Variants in GIGYF1 observed in about 807,000 individuals in gnomAD.
GIGYF1 encodes GRB10 interacting GYF protein 1, also known as GRB10-interacting GYF protein 1.
A neutral mutation model predicts 147.1 loss-of-function variants in GIGYF1; 84 were observed. The ratio of observed to expected loss-of-function variants is 0.57; its 90% confidence interval spans 0.48 to 0.68. The LOEUF (loss-of-function observed/expected upper bound fraction) is 0.68. Among genes scored for constraint, GIGYF1 ranks in the 30% least tolerant of loss-of-function variants. GIGYF1 has a pLI of 0.00. For missense variants in GIGYF1, 1,485 were observed against 1,393.7 expected, an observed-to-expected ratio of 1.07 and a Z score of -1.04; for synonymous variants, 752 against 589.5, an observed-to-expected ratio of 1.28 and a Z score of -3.99.
In GIGYF1 at chr7:100,682,719, A is replaced by T; in HGVS notation, c.2471T>A (p.Leu824Gln). 6.3e-7 allele frequency: 1 copy of T among 1,574,878 alleles called. No homozygotes were observed. Among genetic ancestry groups the T allele is most frequent in the Non-Finnish European group, 8.6e-7 (1 of 1,161,466 alleles). ...CCCACTCTTGTCTGGCCCGCCCCACAGTGGCCCAGCCTCAGACACCCACTG... is the reference window on the plus strand; with the variant it reads ...CCCACTCTTGTCTGGCCCGCCCCACTGTGGCCCAGCCTCAGACACCCACTG... ...LNQWVSEAGP[L>Q]WGGPDKSGGG... Residue 824 changes from leucine to glutamine, a missense_variant, in exon 23 of 27, where the codon CTG (leucine) becomes CAG (glutamine). Coordinates refer to ENST00000678049, the MANE Select transcript of GIGYF1 (RefSeq NM_001375765.1).
chr7:100,681,963 T>C lies in GIGYF1; in HGVS notation c.2956A>G (p.Thr986Ala). 2 of 1,609,206 alleles carry C rather than the reference T, an allele frequency of 1.2e-6. No homozygotes were observed. Among genetic ancestry groups the C allele is most frequent in the Non-Finnish European group, 8.5e-7 (1 of 1,179,912 alleles). The stretch of plus-strand genomic sequence containing the variant: ...GTGCTGTGGTTGGCCTGGAAGGCCG[T>C]CTGCAGCGAGGCGCTGCTCAGCCAT... ...EAWLSSASLQ[T>A]AFQANHSTKL... The change falls in exon 26 of 27, where the codon ACG becomes GCG. Residue 986 changes from threonine to alanine, a missense_variant. Transcript: ENST00000678049.
rs1218381105 is a variant in GIGYF1 at position 100,682,629 on chromosome 7, C to A, written c.2561G>T (p.Gly854Val). 2 of 1,598,398 alleles carry A rather than the reference C, an allele frequency of 1.3e-6. No individual in the cohort carries two copies. The highest frequency in any genetic ancestry group is 4.5e-5 in the East Asian group (2 of 44,644). Residue 854 changes from glycine to valine, a missense_variant, in exon 23 of 27, where the codon GGC (glycine) becomes GTC (valine). Physicochemically the swap from Gly to Val is moderately radical, Grantham distance 109. Coordinates refer to ENST00000678049, the MANE Select transcript of GIGYF1 (RefSeq NM_001375765.1). ...GCTCCGGCTGTTCTTCAGGCCGAGG[C>A]CACGGACCAGGCTCCCGCCGCTCTT... Reference protein sequence around the residue: ...TPKSGGSLVRGLGLKNSRSSP... With the variant: ...TPKSGGSLVRVLGLKNSRSSP...
At chr7:100,684,920 G>C (rs780870654) in intron 14 of GIGYF1, 26 bp from the exon 15 acceptor site, 41 of 1,604,652 alleles carry the variant, frequency 2.6e-5, no homozygotes, top group Admixed American at 3.4e-5. Flanking sequence ...AAGAAGAAAG[G>C]CTCAGCTGCC....
intron 1 of GIGYF1, among the ~76,000 whole-genome samples, chr7:100,691,526 A>G (rs945058181): frequency 1.4e-5 from 2 of 145,082 alleles, no homozygotes; most frequent in Admixed American, 6.7e-5. Context: ...TTTAAGAAAA[A>G]CTGCCTAAGT....
At position 100,691,541 on chromosome 7, in the gene GIGYF1, C is replaced by G. The variant is rs552927017; in HGVS notation, c.-1098-1986G>C. Among the ~76,000 whole-genome samples, 4 of 141,828 alleles carry G rather than the reference C, an allele frequency of 2.8e-5. No homozygotes were observed. The East Asian group carries it at 6.2e-4, about 22-fold the overall frequency. 93.0% of individuals were successfully genotyped at this position (141,828 alleles called of 152,430 possible). ...TTTAAGAAAAACTGCCTAAGTTTGT[C>G]TATTGCAAGCTCTCAGGGCCAGGTA... On this transcript the variant is annotated intron_variant, in intron 1 of 26. Coordinates refer to ENST00000678049, the MANE Select transcript of GIGYF1 (RefSeq NM_001375765.1).
At chr7:100,687,104 CAA>C in intron 8 of GIGYF1, 58 bp from the exon 9 acceptor site, 1 of 1,604,982 alleles carries the variant, frequency 6.2e-7, no homozygotes, top group Non-Finnish European at 8.5e-7. Flanking sequence ...CCACCCTGTG[CAA>C]CCGCCCCATG....
intron 1 of GIGYF1, among the ~76,000 whole-genome samples, chr7:100,690,335 G>A (rs1157808878): frequency 1.3e-5 from 2 of 152,164 alleles, no homozygotes; most frequent in African/African-American, 4.8e-5. Context: ...GAGGGTGGGA[G>A]AGAGTAGAAC....
rs1447402274 is a variant in GIGYF1, at chr7:100,683,678, G to A, written c.1970-46C>T. On this transcript the variant is annotated intron_variant, in intron 19 of 26. Transcript: ENST00000678049. The stretch of plus-strand genomic sequence containing the variant: ...GAGGCGGCTGCAGGTGGGCACTTGG[G>A]CCCACTGATCTAGTCCAGCCGCAGC... The A allele has an allele frequency of 5.1e-6, 8 of 1,583,760 alleles. No individual in the cohort carries two copies. The African/African-American group carries it at 6.7e-5, about 13-fold the overall frequency.
rs775735876 is a variant in GIGYF1, at chr7:100,686,270, C to T, written c.858G>A (p.Glu286=). 1 of 1,614,132 alleles carries T rather than the reference C, an allele frequency of 6.2e-7. No homozygotes were observed. Among genetic ancestry groups the T allele is most frequent in the Admixed American group, 1.7e-5 (1 of 60,014 alleles). Residue 286 remains glutamate, a synonymous_variant, in exon 11 of 27, where the codon GAG becomes GAA. Transcript: ENST00000678049. ...RRCRAPEGFE[E]DKDGLPEWCL... ...ACCACTCTGGGAGCCCATCCTTGTC[C>T]TCCTCAAAGCCTTCAGGCGCTCGGC...
At chr7:100,693,233 G>C (rs540225068) in intron 1 of GIGYF1, among the ~76,000 whole-genome samples, 30 of 152,104 alleles carry the variant, frequency 2.0e-4, no homozygotes, top group Non-Finnish European at 4.0e-4. Flanking sequence ...GGGAATGCGA[G>C]TAATGACTGT....
Position 100,685,438 on chromosome 7 carries a change from G to T in GIGYF1, c.1098C>A (p.Ser366=), listed in dbSNP as rs371851856. The T allele has an allele frequency of 2.5e-6, 4 of 1,594,228 alleles. No individual in the cohort carries two copies. The highest frequency in any genetic ancestry group is 3.4e-6 in the Non-Finnish European group (4 of 1,175,290). ...LTPLPPQEEK[S]SSPSPLPTLG... ...GGGTGGGCAGTGGGGATGGGGAGCT[G>T]GACTTCTCCTCCTGAGGAGGCAGTG... Residue 366 remains serine (S), a synonymous_variant, in exon 13 of 27, where the codon TCC becomes TCA. Transcript: ENST00000678049.
chr7:100,681,528 C>A lies in GIGYF1; in HGVS notation c.*191G>T, dbSNP rs1212142866. ...TTAAAAAAAAAAATAAAAAGAAAAA[C>A]CCCCTCCCCCAGTCTGTAAAGTGCC... On this transcript the variant is annotated 3_prime_UTR_variant, in exon 27 of 27. Transcript: ENST00000678049. The A allele has an allele frequency of 1.4e-5, 6 of 425,684 alleles. No individual in the cohort carries two copies. Among genetic ancestry groups the A allele is most frequent in the East Asian group, 3.5e-5 (1 of 28,874 alleles). 26.4% of individuals were successfully genotyped at this position (425,684 alleles called of 1,614,324 possible). A position where few individuals can be genotyped will look rare whatever the true frequency, so the allele number is the denominator to read the frequency against.
In GIGYF1 at chr7:100,680,860, A is replaced by G. The variant is rs921737005; in HGVS notation, c.*859T>C. ...AATACATTCACGTGGCAAGGCAGAG[A>G]GCTGGGGCTTTCAGGTTCAAACCCA... On this transcript the variant is annotated 3_prime_UTR_variant, in exon 27 of 27. Transcript: ENST00000678049. The G allele has an allele frequency of 1.3e-5, 2 of 152,696 alleles. No individual in the cohort carries two copies. The highest frequency in any genetic ancestry group is 2.9e-5 in the Non-Finnish European group (2 of 68,090). The allele number at this position is 152,696 out of a possible 1,614,324, so 9.5% of individuals were successfully genotyped here. A position where few individuals can be genotyped will look rare whatever the true frequency, so the allele number is the denominator to read the frequency against.
chr7:100,681,936 T>G lies in GIGYF1; in HGVS notation c.2983A>C (p.Lys995Gln). 1.2e-6 allele frequency: 2 copies of G among 1,610,128 alleles called. No individual in the cohort carries two copies. Among genetic ancestry groups the G allele is most frequent in the Non-Finnish European group, 8.5e-7 (1 of 1,179,944 alleles). Reference protein sequence around the residue: ...QTAFQANHSTKLGPGEGSKAK... With the variant: ...QTAFQANHSTQLGPGEGSKAK... ...TTGCTGCCCTCCCCGGGGCCGAGTT[T>G]GGTGCTGTGGTTGGCCTGGAAGGCC... is the stretch of plus-strand genomic sequence containing the variant. Residue 995 changes from lysine (K) to glutamine (Q), a missense_variant, in exon 26 of 27, where the codon AAA becomes CAA. Lys to Gln is a moderately conservative substitution (Grantham distance 53, BLOSUM62 1). Transcript: ENST00000678049.
chr7:100,681,156 G>A lies in GIGYF1; in HGVS notation c.*563C>T, dbSNP rs987309550. 2 of 152,666 alleles carry A rather than the reference G, an allele frequency of 1.3e-5. No homozygotes were observed. Among genetic ancestry groups the A allele is most frequent in the Admixed American group, 6.5e-5 (1 of 15,280 alleles). The allele number at this position is 152,666 out of a possible 1,614,324, so 9.5% of individuals were successfully genotyped here. ...TGCTCACAACAGGTCTGGCGGGTGG[G>A]GCTCAGACAGGCCTCCTGTGCAAAC... On this transcript the variant is annotated 3_prime_UTR_variant, in exon 27 of 27. Coordinates refer to ENST00000678049, the MANE Select transcript of GIGYF1 (RefSeq NM_001375765.1).
In GIGYF1 at chr7:100,681,691, C is replaced by T. The variant is rs747700910; in HGVS notation, c.*28G>A. 3.9e-6 allele frequency: 6 copies of T among 1,522,142 alleles called. No individual in the cohort carries two copies. The East Asian group carries it at 6.8e-5, about 17-fold the overall frequency. The allele number at this position is 1,522,142 out of a possible 1,614,324, so 94.3% of individuals were successfully genotyped here. The stretch of plus-strand genomic sequence containing the variant: ...ACGCCGCTGTGGCTGCCCTGGCCTA[C>T]AGCCCAGGGGCTGGGGGTCCGGGCT... On this transcript the variant is annotated 3_prime_UTR_variant, in exon 27 of 27. Transcript: ENST00000678049.
At position 100,686,993 on chromosome 7, in the gene GIGYF1, A is replaced by C. The variant is rs1328623592; in HGVS notation, c.523+13T>G. On this transcript the variant is annotated intron_variant, in intron 9 of 26. Coordinates refer to ENST00000678049, the MANE Select transcript of GIGYF1 (RefSeq NM_001375765.1). ...CCCTGCCGCCCCGGCCGCCGCCCTC[A>C]GCAGCCTCGTACCTCCATCCCGCCT... is the stretch of plus-strand genomic sequence containing the variant. 6.2e-7 allele frequency: 1 copy of C among 1,613,808 alleles called. No homozygotes were observed. The highest frequency in any genetic ancestry group is 1.1e-5 in the South Asian group (1 of 91,076).
At position 100,684,008 on chromosome 7, in the gene GIGYF1, C is replaced by G; in HGVS notation, c.1868+12G>C. On this transcript the variant is annotated intron_variant, in intron 18 of 26. Coordinates refer to ENST00000678049, the MANE Select transcript of GIGYF1 (RefSeq NM_001375765.1). ...CCACCCTGTATCCTGAGGGCTCGCA[C>G]GCACCACGCACCTGGGGGGTTTGAG... 3 of 1,600,772 alleles carry G rather than the reference C, an allele frequency of 1.9e-6. No individual in the cohort carries two copies. Among genetic ancestry groups the G allele is most frequent in the Non-Finnish European group, 2.5e-6 (3 of 1,177,674 alleles).
intron 22 of GIGYF1, 98 bp downstream of exon 22, chr7:100,682,914 A>ACTGGGG (rs1804925450): frequency 7.8e-7 from 1 of 1,280,666 alleles, no homozygotes; most frequent in South Asian, 1.5e-5. Context: ...AGAGGCTGGG[A>ACTGGGG]CTGGGGCTGG....
Sources: gnomAD v4.1 joint callset for allele counts (sites outside exome capture counted in the v4.1 genomes callset) on GRCh38, gnomAD v4.1.1 for gene constraint, MANE v1.5 for transcripts, NCBI Gene and HGNC (gene_info 2026-07-23, HGNC 2026-07-21) for gene names.